SMYD3: variants seen among roughly 807,000 people sequenced by gnomAD.
SMYD3 encodes SET and MYND domain containing 3, also known as histone-lysine N-methyltransferase SMYD3.
SMYD3 carries 36 observed loss-of-function variants against 57.7 expected under a neutral mutation model. The ratio of observed to expected loss-of-function variants is 0.62; its 90% CI spans 0.48 to 0.82. The LOEUF is 0.82. Among genes scored for constraint, SMYD3 ranks in the 40% least tolerant of loss-of-function variants. The pLI is 0.00. For missense variants in SMYD3, 515 were observed against 538.8 expected (o/e 0.96, Z 0.44); for synonymous variants, 211 against 195.0 (o/e 1.08, Z -0.68).
intron 5 of SMYD3, among the ~76,000 whole-genome samples, chr1:246,287,157 C>A (rs903925794): frequency 1.3e-5 from 2 of 152,198 alleles, no homozygotes; most frequent in African/African-American, 4.8e-5. Context: ...TAGGCGTGAG[C>A]CACAGTGCCC....
intron 1 of SMYD3, among the ~76,000 whole-genome samples, chr1:246,416,901 C>T (rs937336239): frequency 6.6e-6 from 1 of 152,042 alleles, no homozygotes; most frequent in African/African-American, 2.4e-5. Context: ...TCTCTTAAAC[C>T]TCCTCCCCAG....
chr1:245,806,890 C>G (rs183225921), intron 10 of SMYD3, among the ~76,000 whole-genome samples: 10 of 120,238 alleles, frequency 8.3e-5, no homozygotes, highest in Non-Finnish European at 1.4e-4. Flanking sequence ...GCAATCCGGC[C>G]TGGGCGACAG....
intron 10 of SMYD3, among the ~76,000 whole-genome samples, chr1:245,853,436 G>A (rs943447281): frequency 1.4e-4 from 21 of 152,196 alleles, no homozygotes; most frequent in African/African-American, 3.6e-4. Flanking sequence ...TCGAACGCGC[G>A]CTCAGGTCCT....
chr1:245,816,976 GC>G (rs1558379553), intron 10 of SMYD3, among the ~76,000 whole-genome samples: 1 of 150,866 alleles, frequency 6.6e-6, no homozygotes. Flanking sequence ...GGGGAGGGGC[GC>G]CCGCCATTGC....
chr1:246,411,885 T>C (rs544802120), intron 1 of SMYD3, among the ~76,000 whole-genome samples: 12 of 148,670 alleles, frequency 8.1e-5, no homozygotes, highest in Non-Finnish European at 1.2e-4. Flanking sequence ...AAATGACGAG[T>C]TAATGGGTGC....
intron 1 of SMYD3, among the ~76,000 whole-genome samples, chr1:246,504,578 T>C (rs2068507604): frequency 6.6e-6 from 1 of 152,236 alleles, no homozygotes; most frequent in Admixed American, 6.5e-5. Context: ...ATGACTGTAA[T>C]TATCATCAAT....
chr1:245,918,066 CCACCATGGCCGT>C (rs2055576608), intron 7 of SMYD3, among the ~76,000 whole-genome samples: 1 of 152,180 alleles, frequency 6.6e-6, no homozygotes, highest in African/African-American at 2.4e-5. Flanking sequence ...TCTGTCAAAT[CCACCATGGCCGT>C]CACCATCACC....
intron 5 of SMYD3, among the ~76,000 whole-genome samples, chr1:246,165,090 G>C (rs542454170): frequency 1.3e-5 from 2 of 152,204 alleles, no homozygotes; most frequent in African/African-American, 4.8e-5. Flanking sequence ...CCAGGGAAAA[G>C]CGTTCCCGAA....
intron 11 of SMYD3, among the ~76,000 whole-genome samples, chr1:245,751,168 C>T (rs538221232): frequency 4.7e-4 from 72 of 152,316 alleles, no homozygotes; most frequent in African/African-American, 1.6e-3. Flanking sequence ...AAATTTAGAT[C>T]ACCTCCAATT....
At chr1:246,248,894 GA>G (rs144479989) in intron 5 of SMYD3, among the ~76,000 whole-genome samples, 5,713 of 143,204 alleles carry the variant, frequency 0.04, 392 homozygotes, top group African/African-American at 0.14. Flanking sequence ...CTGACCTCGT[GA>G]CCCGCGCGCC....
chr1:246,265,447 T>G (rs963939307), intron 5 of SMYD3, among the ~76,000 whole-genome samples: 1 of 150,846 alleles, frequency 6.6e-6, no homozygotes, highest in African/African-American at 2.5e-5. Context: ...TTCTGCTTCG[T>G]TTTTTTTGTT....
chr1:246,349,077 A>G (rs2065777050), intron 2 of SMYD3, among the ~76,000 whole-genome samples: 1 of 152,184 alleles, frequency 6.6e-6, no homozygotes, highest in Non-Finnish European at 1.5e-5. Context: ...ACCCACCCGC[A>G]TGAAATGTTA....
chr1:246,371,923 T>C (rs2066199471), intron 1 of SMYD3, among the ~76,000 whole-genome samples: 1 of 152,256 alleles, frequency 6.6e-6, no homozygotes, highest in African/African-American at 2.4e-5. Flanking sequence ...TTTACAATTA[T>C]GTATAATACT....
intron 5 of SMYD3, among the ~76,000 whole-genome samples, chr1:245,955,464 T>C (rs2057811684): frequency 6.6e-6 from 1 of 152,182 alleles, no homozygotes; most frequent in Non-Finnish European, 1.5e-5. Flanking sequence ...GTTTCCTCTT[T>C]TAAAAATATC....
intron 5 of SMYD3, among the ~76,000 whole-genome samples, chr1:246,154,035 TGA>T (rs2061983360): frequency 6.6e-6 from 1 of 152,196 alleles, no homozygotes; most frequent in Non-Finnish European, 1.5e-5. Flanking sequence ...GCCCCATACA[TGA>T]GTCACTCCCT....
At chr1:246,092,433 A>G (rs1419960975) in intron 5 of SMYD3, among the ~76,000 whole-genome samples, 1 of 152,236 alleles carries the variant, frequency 6.6e-6, no homozygotes, top group Non-Finnish European at 1.5e-5. Flanking sequence ...AGTGGAATAG[A>G]ACAGAGAATC....
chr1:245,971,720 T>C (rs987226712), intron 5 of SMYD3, among the ~76,000 whole-genome samples: 1 of 152,282 alleles, frequency 6.6e-6, no homozygotes, highest in African/African-American at 2.4e-5. Flanking sequence ...ACTCAATTCA[T>C]GGTTGGTGGG....
chr1:245,868,456 A>G (rs1558439852), intron 8 of SMYD3, among the ~76,000 whole-genome samples: 2 of 152,124 alleles, frequency 1.3e-5, no homozygotes. Context: ...ATCCTCCAAC[A>G]TAGAACCCAC....
chr1:245,793,637 T>C (rs2047397206), intron 10 of SMYD3, among the ~76,000 whole-genome samples: 2 of 151,650 alleles, frequency 1.3e-5, no homozygotes, highest in Admixed American at 6.6e-5. Context: ...TCCCCTGCTC[T>C]GCCCAGTGCC....
Sources: gnomAD v4.1 joint callset for allele counts (sites outside exome capture counted in the v4.1 genomes callset) on GRCh38, gnomAD v4.1.1 for gene constraint, MANE v1.5 for transcripts, NCBI Gene and HGNC (gene_info 2026-07-23, HGNC 2026-07-21) for gene names.